PEAK1: variants seen among roughly 807,000 people sequenced by gnomAD.
PEAK1 encodes the protein inactive tyrosine-protein kinase PEAK1.
Under a neutral mutation model 124.7 loss-of-function variants are expected in PEAK1, and 54 were observed. The ratio of observed to expected loss-of-function variants is 0.43; its 90% CI spans 0.35 to 0.54. The LOEUF (loss-of-function observed/expected upper bound fraction) is 0.54. Ranked by LOEUF, PEAK1 falls within the 20% of genes least tolerant of loss-of-function variation. The pLI is 0.01. For synonymous variants in PEAK1, 719 were observed against 760.0 expected (o/e 0.95, Z 0.89); for missense variants, 2,046 against 2,134.5 (o/e 0.96, Z 0.82).
chr15:77,205,972 C>T (rs1486116360), intron 6 of PEAK1, among the ~76,000 whole-genome samples: 1 of 116,212 alleles, frequency 8.6e-6, no homozygotes, highest in African/African-American at 3.3e-5. Flanking sequence ...GCTATCCCTC[C>T]CCCCTCCCCC....
At chr15:77,270,102 T>A (rs1435363337) in intron 5 of PEAK1, among the ~76,000 whole-genome samples, 1 of 152,186 alleles carries the variant, frequency 6.6e-6, no homozygotes, top group East Asian at 1.9e-4. Flanking sequence ...AATTTTGGAA[T>A]AAATTAGGTA....
In PEAK1 at chr15:77,179,889, T is replaced by C. The variant is rs200063112; in HGVS notation, c.2038A>G (p.Ser680Gly). 70 of 1,614,086 alleles carry C rather than the reference T, an allele frequency of 4.3e-5. No individual in the cohort carries two copies. Among genetic ancestry groups the C allele is most frequent in the East Asian group, 3.8e-4 (17 of 44,904 alleles). ...TESKVPDNTT[S>G]KTTDCLQTKG... ...GTTTGAAGACAGTCAGTGGTTTTGC[T>C]AGTGGTGTTATCAGGCACTTTGCTT... Residue 680 changes from serine to glycine, a missense_variant, in exon 7 of 10, where the codon AGC (serine) becomes GGC (glycine). Transcript: ENST00000682557.
At chr15:77,413,173 AC>A (rs969099312) in intron 1 of PEAK1, among the ~76,000 whole-genome samples, 4 of 152,232 alleles carry the variant, frequency 2.6e-5, no homozygotes, top group African/African-American at 7.2e-5. Flanking sequence ...GAAACAGGAT[AC>A]TGGCAAAGCC....
At position 77,110,726 on chromosome 15, in the gene PEAK1, C is replaced by T. The variant is rs1463350850; in HGVS notation, c.*3430G>A. On this transcript the variant is annotated 3_prime_UTR_variant, in exon 10 of 10. Transcript: ENST00000682557. ...TTGAAACTCATTGCCATATTCCTGGCTTCCAGTTCTAGCTCAGCCTAGGGG... is the reference window on the plus strand; with the variant it reads ...TTGAAACTCATTGCCATATTCCTGGTTTCCAGTTCTAGCTCAGCCTAGGGG... 6.6e-6 allele frequency: 1 copy of T among 152,194 alleles called. No homozygotes were observed. Among genetic ancestry groups the T allele is most frequent in the Non-Finnish European group, 1.5e-5 (1 of 68,044 alleles). 9.4% of individuals were successfully genotyped at this position (152,194 alleles called of 1,614,324 possible).
intron 2 of PEAK1, among the ~76,000 whole-genome samples, chr15:77,309,252 A>G (rs1246869292): frequency 6.6e-6 from 1 of 152,100 alleles, no homozygotes; most frequent in Non-Finnish European, 1.5e-5. Context: ...AAACCTTAGA[A>G]ACCCCTGACA....
At position 77,111,373 on chromosome 15, in the gene PEAK1, A is replaced by C. The variant is rs2050965311; in HGVS notation, c.*2783T>G. ...GACTGAATTTCATTTTTTTGGAAAAATATTCTGAAGACCAACTCATGTAGT... is the reference window on the plus strand; with the variant it reads ...GACTGAATTTCATTTTTTTGGAAAACTATTCTGAAGACCAACTCATGTAGT... On this transcript the variant is annotated 3_prime_UTR_variant, in exon 10 of 10. Coordinates refer to ENST00000682557, the MANE Select transcript of PEAK1 (RefSeq NM_001385026.1). The C allele has an allele frequency of 6.6e-6, 1 of 152,188 alleles. No individual in the cohort carries two copies. The highest frequency in any genetic ancestry group is 6.5e-5 in the Admixed American group (1 of 15,284). 9.4% of individuals were successfully genotyped at this position (152,188 alleles called of 1,614,324 possible).
rs527550065 is a variant in PEAK1 at position 77,232,966 on chromosome 15, C to T, written c.-115+19401G>A. 3.4e-4 allele frequency among the ~76,000 whole-genome samples: 51 copies of T among 152,206 alleles called. 1 individual carries two copies. The highest frequency in any genetic ancestry group is 8.7e-4 in the African/African-American group (36 of 41,530). On this transcript the variant is annotated intron_variant, in intron 6 of 9. Transcript: ENST00000682557. ...TTTACATTGTTGGCCAGGCTGGTCT[C>T]GGACTCCTAACCTCAAGTGATCCAC...
intron 5 of PEAK1, among the ~76,000 whole-genome samples, chr15:77,260,145 C>G (rs538185866): frequency 1.3e-4 from 20 of 152,194 alleles, no homozygotes; most frequent in South Asian, 1.2e-3. Context: ...ATATACAAAG[C>G]AATCAGCAGG....
chr15:77,418,501 C>G (rs2073073566), intron 1 of PEAK1: 1 of 985,018 alleles, frequency 1.0e-6, no homozygotes, highest in East Asian at 1.1e-4. Flanking sequence ...AATGCTATGA[C>G]TTCTACTTCC....
At chr15:77,351,593 A>G (rs2067213831) in intron 2 of PEAK1, 1 of 523,270 alleles carries the variant, frequency 1.9e-6, no homozygotes, top group Non-Finnish European at 2.5e-6. Flanking sequence ...TTGAGCCCGT[A>G]TGCTCAGGCC....
chr15:77,299,566 G>A (rs1412343438), intron 2 of PEAK1, among the ~76,000 whole-genome samples: 1 of 152,166 alleles, frequency 6.6e-6, no homozygotes. Context: ...ATCGTCAAGT[G>A]TGTCTAGTCT....
chr15:77,256,853 T>A, intron 5 of PEAK1, among the ~76,000 whole-genome samples: 1 of 152,060 alleles, frequency 6.6e-6, no homozygotes, highest in Non-Finnish European at 1.5e-5. Context: ...ATTAGCTATA[T>A]CTCCTAATGC....
rs570160733 is a variant in PEAK1 at position 77,254,989 on chromosome 15, T to C, written c.-274-2463A>G. Reference sequence around the variant, plus strand: ...GGGAAGGTGAAGATGCTGTTTTAGATAGCATATAAACTAAAACTCTCTGAG... The same window carrying C: ...GGGAAGGTGAAGATGCTGTTTTAGACAGCATATAAACTAAAACTCTCTGAG... On this transcript the variant is annotated intron_variant, in intron 5 of 9. Transcript: ENST00000682557. Among the ~76,000 whole-genome samples the C allele has an allele frequency of 5.9e-5, 9 of 152,304 alleles. No individual in the cohort carries two copies. The East Asian group carries it at 7.7e-4, about 13-fold the overall frequency.
intron 2 of PEAK1, among the ~76,000 whole-genome samples, chr15:77,296,440 C>T (rs912642898): frequency 6.6e-6 from 1 of 151,542 alleles, no homozygotes; most frequent in East Asian, 1.9e-4. Context: ...GGTGAAACCC[C>T]CATCTCTACT....
chr15:77,409,916 T>A lies in PEAK1; in HGVS notation c.-666+10090A>T, dbSNP rs181234779. On this transcript the variant is annotated intron_variant, in intron 1 of 9. Transcript: ENST00000682557. Reference sequence around the variant, plus strand: ...GCACAGTTAAGAAACTAACATAAAGTCACATGGCCAGGAAGTGGCTGAGCT... The same window carrying A: ...GCACAGTTAAGAAACTAACATAAAGACACATGGCCAGGAAGTGGCTGAGCT... 2.8e-4 allele frequency among the ~76,000 whole-genome samples: 43 copies of A among 152,176 alleles called. No individual in the cohort carries two copies. In the East Asian group the frequency reaches 3.7e-3, roughly 13 times the overall value.
At chr15:77,219,298 G>A (rs899175227) in intron 6 of PEAK1, among the ~76,000 whole-genome samples, 6 of 151,968 alleles carry the variant, frequency 3.9e-5, no homozygotes, top group Non-Finnish European at 7.4e-5. Flanking sequence ...TGATGACCCC[G>A]AAATTTTTCA....
intron 5 of PEAK1, among the ~76,000 whole-genome samples, chr15:77,276,613 A>G (rs2062342311): frequency 6.6e-6 from 1 of 152,178 alleles, no homozygotes; most frequent in Non-Finnish European, 1.5e-5. Context: ...AAATGAAAAA[A>G]GATCTCGGAT....
chr15:77,360,600 G>T (rs1243290674), intron 2 of PEAK1, among the ~76,000 whole-genome samples: 7 of 152,080 alleles, frequency 4.6e-5, no homozygotes, highest in African/African-American at 1.7e-4. Context: ...TTCATGGGAT[G>T]TGACACTCAC....
intron 5 of PEAK1, among the ~76,000 whole-genome samples, chr15:77,262,899 C>T (rs1224152767): frequency 6.6e-6 from 1 of 152,192 alleles, no homozygotes; most frequent in East Asian, 1.9e-4. Context: ...TTATAACAAA[C>T]TGTCTCTCAG....
Sources: allele counts gnomAD v4.1 joint callset (sites outside exome capture counted in the v4.1 genomes callset), GRCh38; gene constraint gnomAD v4.1.1; transcripts MANE v1.5; gene names NCBI Gene and HGNC (gene_info 2026-07-23, HGNC 2026-07-21).